POLR2F: variants seen among roughly 807,000 people sequenced by gnomAD.
The protein encoded by POLR2F is RNA polymerase II, I and III subunit F.
A neutral mutation model predicts 22.7 loss-of-function variants in POLR2F; 12 were observed. The ratio of observed to expected loss-of-function variants is 0.53; its 90% CI spans 0.34 to 0.86. POLR2F has a LOEUF of 0.86. Ranked by LOEUF, POLR2F falls within the 40% of genes least tolerant of loss-of-function variation. The probability of loss-of-function intolerance (pLI) is 0.02; values close to 1 mark genes in which losing one functional copy is unlikely to be tolerated. For synonymous variants in POLR2F, 57 were observed against 66.0 expected (o/e 0.86, Z 0.66); for missense variants, 126 against 171.5 (o/e 0.73, Z 1.48).
intron 1 of POLR2F, among the ~76,000 whole-genome samples, chr22:38,003,659 C>T (rs1172213523): frequency 6.6e-6 from 1 of 151,918 alleles, no homozygotes; most frequent in Non-Finnish European, 1.5e-5. Flanking sequence ...TTACTGCAAC[C>T]TTTGCATCTC....
intron 1 of POLR2F, among the ~76,000 whole-genome samples, chr22:38,007,893 C>T (rs1435551339): frequency 6.6e-6 from 1 of 152,236 alleles, no homozygotes; most frequent in South Asian, 2.1e-4. Flanking sequence ...GTGTGCAGCC[C>T]ACTTGCCTTC....
intron 2 of POLR2F, among the ~76,000 whole-genome samples, chr22:37,958,916 A>G (rs969902237): frequency 6.6e-6 from 1 of 152,182 alleles, no homozygotes; most frequent in Admixed American, 6.5e-5. Flanking sequence ...TTTTCTAGCC[A>G]CTTGGCCCAT....
Position 38,016,266 on chromosome 22 carries a change from G to A in POLR2F, c.121-9603G>A, listed in dbSNP as rs577167590. 3.9e-5 allele frequency among the ~76,000 whole-genome samples: 6 copies of A among 152,296 alleles called. No individual in the cohort carries two copies. The highest frequency in any genetic ancestry group is 3.9e-4 in the East Asian group (2 of 5,184). ...AAGTGGGCTCTGACCACACCCTTGGGGGTCATTTCAGAAGGCCTCCTCCAA... is the reference window on the plus strand; with the variant it reads ...AAGTGGGCTCTGACCACACCCTTGGAGGTCATTTCAGAAGGCCTCCTCCAA... On this transcript the variant is annotated intron_variant, in intron 1 of 2. Coordinates refer to the POLR2F transcript ENST00000333418. The surrounding 1 kb of genome is among the most constrained non-coding windows in gnomAD (Gnocchi z 4.4).
chr22:37,981,128 G>C (rs1478263987), intron 4 of POLR2F, among the ~76,000 whole-genome samples: 1 of 152,138 alleles, frequency 6.6e-6, no homozygotes, highest in Non-Finnish European at 1.5e-5. Flanking sequence ...CACTCCCTTG[G>C]GGCACTCCAC....
chr22:37,964,402 CT>C (rs1931770034), intron 3 of POLR2F, among the ~76,000 whole-genome samples: 1 of 151,994 alleles, frequency 6.6e-6, no homozygotes, highest in African/African-American at 2.4e-5. Context: ...TCATAAGCAG[CT>C]TGGGGCATAA....
Position 37,979,856 on chromosome 22 carries a change from G to A in POLR2F, c.293+12686G>A, listed in dbSNP as rs1051487507. Among the ~76,000 whole-genome samples the A allele has an allele frequency of 2.6e-5, 4 of 152,088 alleles. No individual in the cohort carries two copies. In the East Asian group the frequency reaches 7.7e-4, roughly 29 times the overall value. On this transcript the variant is annotated intron_variant, in intron 4 of 4. Transcript: ENST00000405557. ...ACTGAGAATCCATGAGTCTTTGTGG[G>A]AGCAGCCTTGTCTGTCAGTCCAGAG...
intron 5 of POLR2F, among the ~76,000 whole-genome samples, chr22:38,038,244 C>T (rs1301066523): frequency 6.6e-6 from 1 of 152,166 alleles, no homozygotes; most frequent in Non-Finnish European, 1.5e-5. Context: ...CAATGGAGCC[C>T]TGGTGGCCCT....
At chr22:38,030,672 A>G (rs553716247), downstream of POLR2F, among the ~76,000 whole-genome samples, 1 of 152,316 alleles carries the variant, frequency 6.6e-6, no homozygotes, top group African/African-American at 2.4e-5. Flanking sequence ...TCTGAGACTT[A>G]GCTCAGCTGC....
At chr22:38,030,688 C>T (rs1360666022), downstream of POLR2F, among the ~76,000 whole-genome samples, 1 of 152,200 alleles carries the variant, frequency 6.6e-6, no homozygotes, top group Non-Finnish European at 1.5e-5. Flanking sequence ...GCTGCTTATG[C>T]ACTGGGTGAT....
In POLR2F at chr22:37,980,198, T is replaced by G. The variant is rs918664474; in HGVS notation, c.293+13028T>G. Among the ~76,000 whole-genome samples the G allele has an allele frequency of 1.3e-5, 2 of 152,068 alleles. No homozygotes were observed. The highest frequency in any genetic ancestry group is 4.8e-5 in the African/African-American group (2 of 41,410). On this transcript the variant is annotated intron_variant, in intron 4 of 4. Coordinates refer to the POLR2F transcript ENST00000405557. This position sits in a 1 kb window ranked among gnomAD's most constrained non-coding sequence, Gnocchi z 4.1. ...GGGAGTGGGATGTGGGCACCCTCTC[T>G]GACGGCTGGGACCAGGGGAGGGGGT...
At chr22:37,972,082 A>G (rs1601877230), downstream of POLR2F, 15 of 252,028 alleles carry the variant, frequency 6.0e-5, no homozygotes, top group East Asian at 1.2e-4. Context: ...GAGAAAGGAG[A>G]GGGGGAGGGG....
At chr22:38,041,108 G>A (rs370085579), downstream of POLR2F, 56 of 1,612,906 alleles carry the variant, frequency 3.5e-5, no homozygotes, top group African/African-American at 4.0e-4. Context: ...CTGAAGCCCC[G>A]TGAACAATGC....
At chr22:37,983,098 C>T (rs1280240170), upstream of POLR2F, among the ~76,000 whole-genome samples, 3 of 152,376 alleles carry the variant, frequency 2.0e-5, no homozygotes, top group East Asian at 5.8e-4. The surrounding 1 kb of genome is among the most constrained non-coding windows in gnomAD (Gnocchi z 9.5). Context: ...GGTCTGCCAC[C>T]CGCAAAATTC....
At chr22:37,999,267 C>G (rs1047853283) in intron 1 of POLR2F, among the ~76,000 whole-genome samples, 1 of 152,168 alleles carries the variant, frequency 6.6e-6, no homozygotes, top group Non-Finnish European at 1.5e-5. Flanking sequence ...GCCCCACTTG[C>G]CTGGCTCCAG....
chr22:37,953,841 C>T (rs1256753793), intron 1 of POLR2F, 34 bp downstream of exon 1: 1 of 1,603,490 alleles, frequency 6.2e-7, no homozygotes, highest in East Asian at 2.3e-5. Context: ...TTTGCGGCAA[C>T]CTTGGAAGGG....
At chr22:38,004,119 G>T (rs1569178274) in intron 1 of POLR2F, among the ~76,000 whole-genome samples, 1 of 152,142 alleles carries the variant, frequency 6.6e-6, no homozygotes, top group African/African-American at 2.4e-5. Flanking sequence ...CTCCAGAGTA[G>T]CTTGGACTAC....
chr22:38,006,104 C>CT (rs1174120845), intron 1 of POLR2F, among the ~76,000 whole-genome samples: 6 of 152,042 alleles, frequency 3.9e-5, no homozygotes, highest in Non-Finnish European at 8.8e-5. Flanking sequence ...GCCTGTTGTC[C>CT]TAGCTATTTG....
chr22:38,014,242 T>G (rs2145813064), intron 1 of POLR2F, among the ~76,000 whole-genome samples: 1 of 152,264 alleles, frequency 6.6e-6, no homozygotes, highest in South Asian at 2.1e-4. Context: ...ATTTTCTATA[T>G]AGATGATTAT....
chr22:37,986,092 G>A (rs1601889290), upstream of POLR2F: 7 of 1,453,586 alleles, frequency 4.8e-6, no homozygotes, highest in South Asian at 2.8e-5. This position sits in a 1 kb window ranked among gnomAD's most constrained non-coding sequence, Gnocchi z 4.7. Context: ...GTCTTTGTTC[G>A]AAATACAGGT....
Sources: allele counts gnomAD v4.1 joint callset (sites outside exome capture counted in the v4.1 genomes callset), GRCh38; gene constraint gnomAD v4.1.1; non-coding constraint Gnocchi (gnomAD v3.1); transcripts MANE v1.5; gene names NCBI Gene and HGNC (gene_info 2026-07-23, HGNC 2026-07-21).